Variants in CARMIL1 observed in about 807,000 individuals in gnomAD.
CARMIL1 encodes the protein F-actin-uncapping protein LRRC16A.
A neutral mutation model predicts 177.1 loss-of-function variants in CARMIL1; 90 were observed. The ratio of observed to expected loss-of-function variants is 0.51; its 90% CI spans 0.43 to 0.61. CARMIL1 has a LOEUF of 0.61. Among genes scored for constraint, CARMIL1 ranks in the 20% least tolerant of loss-of-function variants. The pLI is 0.00. For missense variants in CARMIL1, 1,380 were observed against 1,667.0 expected (o/e 0.83, Z 3.00); for synonymous variants, 577 against 606.2 (o/e 0.95, Z 0.71).
chr6:25,530,483 A>G (rs909041765), intron 24 of CARMIL1, among the ~76,000 whole-genome samples: 16 of 152,088 alleles, frequency 1.1e-4, no homozygotes, highest in Admixed American at 2.6e-4. Flanking sequence ...CGAGACTCTG[A>G]CTCAAAAAAA....
In CARMIL1 at chr6:25,612,885, T is replaced by C. The variant is rs1162971124; in HGVS notation, c.3979+2704T>C. The stretch of plus-strand genomic sequence containing the variant: ...GGCACAGGAAGTCACAGCCAACAAA[T>C]GGTTAGAGCCTTCGATTATCATCCC... On this transcript the variant is annotated intron_variant, in intron 36 of 36. Coordinates refer to ENST00000329474, the MANE Select transcript of CARMIL1 (RefSeq NM_017640.6). 12 of 985,202 alleles carry C rather than the reference T, an allele frequency of 1.2e-5. No homozygotes were observed. In the East Asian group the frequency reaches 1.4e-3, roughly 112 times the overall value. 61.0% of individuals were successfully genotyped at this position (985,202 alleles called of 1,614,324 possible). A position where few individuals can be genotyped will look rare whatever the true frequency, so the allele number is the denominator to read the frequency against.
In CARMIL1 at chr6:25,424,732, GA is replaced by G. The variant is rs539316078; in HGVS notation, c.190-1768del. On this transcript the variant is annotated intron_variant, in intron 3 of 36. Coordinates refer to ENST00000329474, the MANE Select transcript of CARMIL1 (RefSeq NM_017640.6). ...GAATTGCTTAAATTGCTGTTTTAAA[GA>G]CTAGACAACTTTATAGTTGGGGGAG... is the stretch of plus-strand genomic sequence containing the variant. Among the ~76,000 whole-genome samples the G allele has an allele frequency of 5.3e-4, 81 of 152,286 alleles. No homozygotes were observed. The South Asian group carries it at 5.6e-3, about 11-fold the overall frequency.
intron 26 of CARMIL1, among the ~76,000 whole-genome samples, chr6:25,545,371 A>T (rs956941465): frequency 1.3e-5 from 2 of 151,990 alleles, no homozygotes; most frequent in South Asian, 4.2e-4. Flanking sequence ...CAAATGGTCC[A>T]GTTTTCCAGA....
intron 2 of CARMIL1, among the ~76,000 whole-genome samples, chr6:25,411,797 G>A (rs181092025): frequency 3.5e-4 from 54 of 152,270 alleles, no homozygotes; most frequent in Middle Eastern, 3.4e-3. Context: ...CTTCTTGACC[G>A]CCTATTGAAG....
At chr6:25,280,449 A>C (rs2744269) in intron 1 of CARMIL1, among the ~76,000 whole-genome samples, 16 of 151,976 alleles carry the variant, frequency 1.1e-4, no homozygotes, top group Non-Finnish European at 2.2e-4. Context: ...ACGCAGACTC[A>C]GGCCAGGAAA....
intron 20 of CARMIL1, among the ~76,000 whole-genome samples, chr6:25,511,603 A>G (rs1369869334): frequency 6.6e-6 from 1 of 152,200 alleles, no homozygotes; most frequent in African/African-American, 2.4e-5. Flanking sequence ...TGATTTTTAT[A>G]TTAATCATGT....
chr6:25,301,298 A>G (rs148866677), intron 2 of CARMIL1, among the ~76,000 whole-genome samples: 5 of 152,310 alleles, frequency 3.3e-5, no homozygotes, highest in African/African-American at 1.2e-4. Context: ...TTAATGAGCC[A>G]GTGGTAACAA....
At chr6:25,370,719 C>G (rs1790319523) in intron 2 of CARMIL1, among the ~76,000 whole-genome samples, 1 of 151,950 alleles carries the variant, frequency 6.6e-6, no homozygotes, top group Non-Finnish European at 1.5e-5. Context: ...GTAGGTTGAA[C>G]CAGGAGTTTC....
intron 20 of CARMIL1, among the ~76,000 whole-genome samples, chr6:25,511,110 A>T (rs532691759): frequency 2.0e-5 from 3 of 152,140 alleles, no homozygotes; most frequent in South Asian, 2.1e-4. Flanking sequence ...AGTTGACTTT[A>T]TGACCTTATA....
chr6:25,350,591 A>G (rs747036443), intron 2 of CARMIL1: 4 of 152,184 alleles, frequency 2.6e-5, no homozygotes, highest in Non-Finnish European at 4.4e-5. Context: ...TAGGTTGAAA[A>G]TCAGAGAAGC....
chr6:25,580,904 A>C lies in CARMIL1; in HGVS notation c.2743-20A>C, dbSNP rs1181740542. 1.0e-5 allele frequency: 16 copies of C among 1,559,898 alleles called. No homozygotes were observed. Among genetic ancestry groups the C allele is most frequent in the Non-Finnish European group, 1.3e-5 (15 of 1,148,578 alleles). On this transcript the variant is annotated intron_variant, in intron 29 of 36. Transcript: ENST00000329474. ...CTGTGGCTACCTAAGTGTTTTTTTA[A>C]ATTATTATTTCATTTCTAGATGACC...
intron 4 of CARMIL1, among the ~76,000 whole-genome samples, chr6:25,428,663 A>G (rs1242745663): frequency 6.6e-6 from 1 of 152,192 alleles, no homozygotes; most frequent in African/African-American, 2.4e-5. Context: ...AGAAAACTAT[A>G]TATTTCTCCA....
chr6:25,491,718 T>C lies in CARMIL1; in HGVS notation c.1066-14T>C. On this transcript the variant is annotated splice_polypyrimidine_tract_variant and intron_variant, in intron 13 of 36. Coordinates refer to ENST00000329474, the MANE Select transcript of CARMIL1 (RefSeq NM_017640.6). ...TTCTAGAATCCTAACATTTATCTTT[T>C]ATTTTTTTTCAAGCACATGTATAAT... is the stretch of plus-strand genomic sequence containing the variant. The C allele has an allele frequency of 6.5e-7, 1 of 1,538,312 alleles. No individual in the cohort carries two copies.
At chr6:25,614,610 A>G (rs1437230559) in intron 36 of CARMIL1, among the ~76,000 whole-genome samples, 1 of 152,174 alleles carries the variant, frequency 6.6e-6, no homozygotes, top group Non-Finnish European at 1.5e-5. Flanking sequence ...GGTTGCATAG[A>G]CGTTTCTGGT....
intron 29 of CARMIL1, among the ~76,000 whole-genome samples, chr6:25,560,632 AC>A (rs1247466976): frequency 1.3e-5 from 2 of 152,150 alleles, no homozygotes; most frequent in East Asian, 1.9e-4. Flanking sequence ...AAAGTAAGTA[AC>A]CCAAGGTTAA....
rs115099223 is a variant in CARMIL1 at position 25,534,182 on chromosome 6, T to C, written c.2068-3673T>C. ...TTTCATTTTATGTGTCTCCTCCTGC[T>C]TTCCACAGCCCATGTTCTTTGTATC... On this transcript the variant is annotated intron_variant, in intron 24 of 36. Coordinates refer to ENST00000329474, the MANE Select transcript of CARMIL1 (RefSeq NM_017640.6). Among the ~76,000 whole-genome samples the C allele has an allele frequency of 7.4e-3, 1,120 of 152,230 alleles. 14 individuals are homozygous for C. Among genetic ancestry groups the C allele is most frequent in the African/African-American group, 0.025 (1,056 of 41,524 alleles).
At chr6:25,513,562 A>G (rs925807200) in intron 20 of CARMIL1, among the ~76,000 whole-genome samples, 3 of 152,254 alleles carry the variant, frequency 2.0e-5, no homozygotes, top group Non-Finnish European at 4.4e-5. Context: ...AACCAAATGC[A>G]TAATGATGCT....
intron 2 of CARMIL1, among the ~76,000 whole-genome samples, chr6:25,410,764 G>C (rs1424874801): frequency 6.6e-6 from 1 of 151,988 alleles, no homozygotes; most frequent in Non-Finnish European, 1.5e-5. Flanking sequence ...ACTGAGTTCT[G>C]GTTGTTCTTT....
At chr6:25,385,759 A>G (rs935287118) in intron 2 of CARMIL1, among the ~76,000 whole-genome samples, 12 of 152,160 alleles carry the variant, frequency 7.9e-5, no homozygotes, top group African/African-American at 2.7e-4. Context: ...CATGGTGCAA[A>G]TTAGTAAGGC....
Sources: allele counts gnomAD v4.1 joint callset (sites outside exome capture counted in the v4.1 genomes callset), GRCh38; gene constraint gnomAD v4.1.1; transcripts MANE v1.5; gene names NCBI Gene and HGNC (gene_info 2026-07-23, HGNC 2026-07-21).